SLC25A42: variants seen among roughly 807,000 people sequenced by gnomAD.
SLC25A42 encodes the protein solute carrier family 25 member 42.
SLC25A42 carries 19 observed loss-of-function variants against 34.7 expected under a neutral mutation model. The observed-to-expected ratio is 0.55, with a 90% CI of 0.38 to 0.80. The LOEUF (loss-of-function observed/expected upper bound fraction) is 0.80. Ranked by LOEUF, SLC25A42 falls within the 30% of genes least tolerant of loss-of-function variation. SLC25A42 has a pLI of 0.00. For synonymous variants in SLC25A42, 205 were observed against 191.2 expected, an observed-to-expected ratio of 1.07 and a Z score of -0.59; for missense variants, 364 against 441.3, an observed-to-expected ratio of 0.82 and a Z score of 1.57.
intron 7 of SLC25A42, among the ~76,000 whole-genome samples, chr19:19,108,551 GAA>G (rs59371889): frequency 5.4e-4 from 79 of 146,580 alleles, no homozygotes; most frequent in African/African-American, 8.0e-4. Context: ...CCTGTCTCAA[GAA>G]AAAAAAAAAA....
intron 3 of SLC25A42, among the ~76,000 whole-genome samples, chr19:19,102,613 G>A (rs916868661): frequency 8.6e-5 from 13 of 151,922 alleles, no homozygotes; most frequent in Middle Eastern, 3.2e-3. Context: ...ACATGGTGGC[G>A]GGCACCTGCA....
chr19:19,104,123 G>A (rs1007784530), intron 3 of SLC25A42, among the ~76,000 whole-genome samples: 2 of 152,054 alleles, frequency 1.3e-5, no homozygotes, highest in African/African-American at 4.8e-5. Context: ...ATGTTGGCCA[G>A]GCTGGTCTCG....
intron 2 of SLC25A42, among the ~76,000 whole-genome samples, chr19:19,097,207 A>G (rs1453570666): frequency 1.3e-5 from 2 of 152,178 alleles, no homozygotes; most frequent in African/African-American, 4.8e-5. Context: ...CCGACCGCAC[A>G]GGCAGTTTTC....
chr19:19,073,009 G>A (rs1390835785), intron 1 of SLC25A42, among the ~76,000 whole-genome samples: 1 of 152,184 alleles, frequency 6.6e-6, no homozygotes, highest in Non-Finnish European at 1.5e-5. Flanking sequence ...TGGCCTATGT[G>A]GAGGTTTAGT....
At chr19:19,067,670 A>G (rs781105521) in intron 1 of SLC25A42, among the ~76,000 whole-genome samples, 5 of 151,964 alleles carry the variant, frequency 3.3e-5, no homozygotes, top group Non-Finnish European at 5.9e-5. Context: ...ATTTTGGCTC[A>G]AGGTACCTCA....
intron 1 of SLC25A42, among the ~76,000 whole-genome samples, chr19:19,076,185 A>C (rs1194482251): frequency 6.6e-6 from 1 of 152,140 alleles, no homozygotes. Context: ...ATTCTCGGCC[A>C]GGTGTAGTGG....
intron 1 of SLC25A42, among the ~76,000 whole-genome samples, chr19:19,072,759 G>C (rs144978238): frequency 0.014 from 2,174 of 152,176 alleles, 49 homozygotes; most frequent in African/African-American, 0.047. Context: ...AGCACATGCA[G>C]CCTCGACCTC....
At position 19,106,263 on chromosome 19, in the gene SLC25A42, G is replaced by C; in HGVS notation, c.381-6G>C. The C allele has an allele frequency of 6.2e-7, 1 of 1,609,726 alleles. No homozygotes were observed. ...CCGTCTCGCCTTCTCCTCCTGCCCT[G>C]TTCAGAGCCCTGCCCCCTTGGCCTC... On this transcript the variant is annotated splice_polypyrimidine_tract_variant and splice_region_variant and intron_variant, in intron 5 of 7. Coordinates refer to ENST00000318596, the MANE Select transcript of SLC25A42 (RefSeq NM_178526.5).
intron 5 of SLC25A42, 170 bp from the exon 6 acceptor site, chr19:19,106,099 A>G: frequency 1.7e-6 from 1 of 604,726 alleles, no homozygotes; most frequent in Non-Finnish European, 2.9e-6. Flanking sequence ...AATGAGGCCC[A>G]CTCCAGAGAC....
intron 1 of SLC25A42, among the ~76,000 whole-genome samples, chr19:19,078,587 G>A (rs1209182236): frequency 1.3e-5 from 2 of 152,172 alleles, no homozygotes; most frequent in Non-Finnish European, 2.9e-5. Flanking sequence ...CATGTACGCA[G>A]CAAGCATGCA....
chr19:19,075,248 G>T (rs1379566463), intron 1 of SLC25A42, among the ~76,000 whole-genome samples: 1 of 152,150 alleles, frequency 6.6e-6, no homozygotes, highest in Non-Finnish European at 1.5e-5. Context: ...CTATGCTGAG[G>T]CTGGTGTGAT....
Position 19,109,217 on chromosome 19 carries a change from T to A in SLC25A42, c.649+1172T>A, listed in dbSNP as rs1049687269. ...TTCCGCCTTTTTAGTGGCTGCACAG[T>A]GGGCCTTACCTTCTTGGGGTGCCCT... On this transcript the variant is annotated intron_variant, in intron 7 of 7. Transcript: ENST00000318596. The surrounding 1 kb of genome is among the most constrained non-coding windows in gnomAD (Gnocchi z 4.1). Among the ~76,000 whole-genome samples the A allele has an allele frequency of 2.0e-5, 3 of 152,218 alleles. No individual in the cohort carries two copies. The highest frequency in any genetic ancestry group is 4.4e-5 in the Non-Finnish European group (3 of 68,020).
intron 1 of SLC25A42, among the ~76,000 whole-genome samples, chr19:19,076,952 G>A (rs2059658336): frequency 6.6e-6 from 1 of 152,156 alleles, no homozygotes; most frequent in Non-Finnish European, 1.5e-5. Flanking sequence ...GGGAGGCAGA[G>A]GCTGGAGGAC....
chr19:19,107,680 C>T (rs1412317285), intron 6 of SLC25A42, among the ~76,000 whole-genome samples: 1 of 152,144 alleles, frequency 6.6e-6, no homozygotes, highest in Non-Finnish European at 1.5e-5. Context: ...CACTTGCTTC[C>T]CGTGGCGAAG....
chr19:19,093,223 C>G (rs2059747430), intron 1 of SLC25A42, among the ~76,000 whole-genome samples: 1 of 152,010 alleles, frequency 6.6e-6, no homozygotes, highest in African/African-American at 2.4e-5. Flanking sequence ...ACTATGTTGC[C>G]CAGGCTTGTC....
Position 19,081,564 on chromosome 19 carries a change from C to T in SLC25A42, c.-34-14527C>T, listed in dbSNP as rs896719912. On this transcript the variant is annotated intron_variant, in intron 1 of 7. Coordinates refer to ENST00000318596, the MANE Select transcript of SLC25A42 (RefSeq NM_178526.5). The surrounding 1 kb of genome is among the most constrained non-coding windows in gnomAD (Gnocchi z 4.5). The stretch of plus-strand genomic sequence containing the variant: ...GTAGACTACCTGTCCCTTATAGTGA[C>T]AAAGAGGAGAATGCCACTGAGGGTG... Among the ~76,000 whole-genome samples the T allele has an allele frequency of 4.6e-5, 7 of 152,108 alleles. No homozygotes were observed. The highest frequency in any genetic ancestry group is 4.6e-4 in the Admixed American group (7 of 15,256).
intron 1 of SLC25A42, among the ~76,000 whole-genome samples, chr19:19,077,581 A>G (rs1171304050): frequency 6.6e-6 from 1 of 152,224 alleles, no homozygotes; most frequent in Non-Finnish European, 1.5e-5. Context: ...CTTGACTGTT[A>G]TGCAGACAGA....
At chr19:19,107,123 G>T (rs1292318208) in intron 6 of SLC25A42, among the ~76,000 whole-genome samples, 2 of 151,978 alleles carry the variant, frequency 1.3e-5, no homozygotes, top group Non-Finnish European at 2.9e-5. Flanking sequence ...TTTGAGACCA[G>T]CCTGGGCAAC....
At position 19,108,028 on chromosome 19, in the gene SLC25A42, T is replaced by C; in HGVS notation, c.632T>C (p.Leu211Pro). ...AGLSFFTYETLKSLHREYSGR... is the reference protein window; with the variant it reads ...AGLSFFTYETPKSLHREYSGR... ...CTGAGCTTCTTCACCTATGAGACGC[T>C]CAAGAGCTTGCACAGAGGTAAGGAG... The change falls in exon 7 of 8, where the codon CTC (leucine) becomes CCC (proline). Residue 211 changes from leucine to proline, a missense_variant. By Grantham distance (98) the Leu-to-Pro change is moderately conservative. Transcript: ENST00000318596. 1.9e-6 allele frequency: 3 copies of C among 1,594,678 alleles called. No individual in the cohort carries two copies. The highest frequency in any genetic ancestry group is 2.6e-6 in the Non-Finnish European group (3 of 1,169,078).
Sources: allele counts gnomAD v4.1 joint callset (sites outside exome capture counted in the v4.1 genomes callset), GRCh38; gene constraint gnomAD v4.1.1; non-coding constraint Gnocchi (gnomAD v3.1); transcripts MANE v1.5; gene names NCBI Gene and HGNC (gene_info 2026-07-23, HGNC 2026-07-21).